The following RSU1 variants were observed in gnomAD, a reference collection of about 807,000 sequenced individuals.
RSU1 encodes the protein Ras suppressor protein 1, also known as rsu-1.
A neutral mutation model predicts 31.1 loss-of-function variants in RSU1; 26 were observed. That is an observed-to-expected ratio of 0.84 (90% confidence interval 0.61 to 1.16). RSU1 has a LOEUF of 1.16. RSU1 is among the 50% of genes most tolerant of loss of function. The pLI is 0.00. For synonymous variants in RSU1, 164 were observed against 136.3 expected, an observed-to-expected ratio of 1.20 and a Z score of -1.41; for missense variants, 320 against 339.1, an observed-to-expected ratio of 0.94 and a Z score of 0.44.
At chr10:16,630,039 T>C (rs1366824827) in intron 8 of RSU1, among the ~76,000 whole-genome samples, 1 of 152,190 alleles carries the variant, frequency 6.6e-6, no homozygotes, top group Non-Finnish European at 1.5e-5. Context: ...TATTTATGGA[T>C]GCTCTTTGTT....
chr10:16,792,135 G>A (rs953420955), intron 2 of RSU1, among the ~76,000 whole-genome samples: 2 of 152,156 alleles, frequency 1.3e-5, no homozygotes, highest in Non-Finnish European at 2.9e-5. Context: ...GTTCTGTAAC[G>A]TTGGTCATAA....
chr10:16,816,542 A>C (rs1426242428), intron 2 of RSU1, among the ~76,000 whole-genome samples: 1 of 152,222 alleles, frequency 6.6e-6, no homozygotes, highest in Non-Finnish European at 1.5e-5. Flanking sequence ...GAATGTAAAG[A>C]TTCAAGAAAT....
At chr10:16,758,342 T>TC (rs1837138284) in intron 4 of RSU1, among the ~76,000 whole-genome samples, 2 of 151,960 alleles carry the variant, frequency 1.3e-5, no homozygotes, top group African/African-American at 2.4e-5. Flanking sequence ...ATGCTGGCTG[T>TC]CCCCCCTCCC....
rs143143529 is a variant in RSU1 at position 16,720,783 on chromosome 10, C to T, written c.599-25628G>A. Among the ~76,000 whole-genome samples, 647 of 152,264 alleles carry T rather than the reference C, an allele frequency of 4.2e-3. 3 individuals carry two copies. Among genetic ancestry groups the T allele is most frequent in the South Asian group, 0.014 (66 of 4,828 alleles). ...CCACTGGATTCATCTGTTAGGGCTG[C>T]CATGACAGCCTGGGCACCATGGCGA... On this transcript the variant is annotated intron_variant, in intron 7 of 8. Coordinates refer to ENST00000345264, the MANE Select transcript of RSU1 (RefSeq NM_012425.4).
At chr10:16,738,382 C>T (rs765765523) in intron 7 of RSU1, among the ~76,000 whole-genome samples, 5 of 151,970 alleles carry the variant, frequency 3.3e-5, no homozygotes, top group Admixed American at 3.3e-4. Flanking sequence ...ACCCAGGAGG[C>T]GGAGCATGCA....
Position 16,607,404 on chromosome 10 carries a change from G to T in RSU1, c.732-13908C>A, listed in dbSNP as rs184109172. Among the ~76,000 whole-genome samples the T allele has an allele frequency of 5.9e-5, 9 of 152,324 alleles. No individual in the cohort carries two copies. The East Asian group carries it at 1.7e-3, about 29-fold the overall frequency. On this transcript the variant is annotated intron_variant, in intron 8 of 8. Transcript: ENST00000345264. The stretch of plus-strand genomic sequence containing the variant: ...ATGTCAGTGGAAAGCTGGACATCAC[G>T]TTTAATCTAAGTTCAGGCCTATAGG...
intron 8 of RSU1, among the ~76,000 whole-genome samples, chr10:16,665,244 C>G (rs1834966161): frequency 6.6e-6 from 1 of 152,092 alleles, no homozygotes; most frequent in South Asian, 2.1e-4. Flanking sequence ...CACACCTGGT[C>G]ACGTTCTAAG....
At chr10:16,646,682 C>G (rs1045974215) in intron 8 of RSU1, among the ~76,000 whole-genome samples, 1 of 152,228 alleles carries the variant, frequency 6.6e-6, no homozygotes, top group Non-Finnish European at 1.5e-5. Context: ...TCAGTCAATA[C>G]TTCTGAGTAA....
At position 16,607,904 on chromosome 10, in the gene RSU1, C is replaced by T. The variant is rs1382237703; in HGVS notation, c.732-14408G>A. Reference sequence around the variant, plus strand: ...TTTGAGACAGAGTCTTGCTCTGTCACCCAGCTGGAGTGCATTGGAACATTA... The same window carrying T: ...TTTGAGACAGAGTCTTGCTCTGTCATCCAGCTGGAGTGCATTGGAACATTA... On this transcript the variant is annotated intron_variant, in intron 8 of 8. Transcript: ENST00000345264. Among the ~76,000 whole-genome samples, 8 of 152,152 alleles carry T rather than the reference C, an allele frequency of 5.3e-5. No individual in the cohort carries two copies. In the East Asian group the frequency reaches 1.5e-3, roughly 29 times the overall value.
chr10:16,785,513 T>TATATATATATATATACACATATATAC (rs1564357401), intron 2 of RSU1, among the ~76,000 whole-genome samples: 25 of 121,822 alleles, frequency 2.1e-4, no homozygotes, highest in African/African-American at 8.0e-4. Context: ...CATATATACA[T>TATATATATATATATACACATATATAC]ATATATATAT....
intron 2 of RSU1, among the ~76,000 whole-genome samples, chr10:16,806,124 A>T (rs549546989): frequency 6.6e-6 from 1 of 152,228 alleles, no homozygotes; most frequent in African/African-American, 2.4e-5. Flanking sequence ...TTTTAAAACT[A>T]TGTGTAAGTA....
intron 3 of RSU1, among the ~76,000 whole-genome samples, chr10:16,775,336 C>A (rs1588526964): frequency 6.6e-6 from 1 of 152,198 alleles, no homozygotes; most frequent in Admixed American, 6.5e-5. Flanking sequence ...ACTCCCCCGT[C>A]TTATTTTCTC....
In RSU1 at chr10:16,658,610, G is replaced by T. The variant is rs972863961; in HGVS notation, c.731+36413C>A. ...GTGGTGGCAGGCACCTGTAATCCCA[G>T]CTACTCAGGAGGCTGAGGCAAGAGA... On this transcript the variant is annotated intron_variant, in intron 8 of 8. Coordinates refer to ENST00000345264, the MANE Select transcript of RSU1 (RefSeq NM_012425.4). Among the ~76,000 whole-genome samples the T allele has an allele frequency of 3.9e-5, 6 of 152,138 alleles. No individual in the cohort carries two copies. The South Asian group carries it at 8.3e-4, about 21-fold the overall frequency.
intron 7 of RSU1, among the ~76,000 whole-genome samples, chr10:16,700,872 G>A (rs1835777839): frequency 6.6e-6 from 1 of 152,198 alleles, no homozygotes. Flanking sequence ...GCACTGACCT[G>A]GAGGGAGGTC....
At chr10:16,815,691 A>T (rs142170826) in intron 2 of RSU1, among the ~76,000 whole-genome samples, 2 of 152,298 alleles carry the variant, frequency 1.3e-5, no homozygotes, top group Admixed American at 6.5e-5. Flanking sequence ...AAAAGAAAAA[A>T]ATCAGTACAA....
chr10:16,778,017 C>CTTT (rs1455558915), intron 3 of RSU1, among the ~76,000 whole-genome samples: 1 of 124,174 alleles, frequency 8.1e-6, no homozygotes, highest in African/African-American at 4.3e-5. Context: ...AGGTCATATA[C>CTTT]CTTTTTTTTT....
chr10:16,768,646 T>C (rs1837367166), intron 3 of RSU1, among the ~76,000 whole-genome samples: 1 of 152,126 alleles, frequency 6.6e-6, no homozygotes, highest in Non-Finnish European at 1.5e-5. Flanking sequence ...AATCTCAAAG[T>C]TTCTTCTGGA....
chr10:16,695,061 G>A lies in RSU1; in HGVS notation c.693C>T (p.Ser231=), dbSNP rs1400430454. The A allele has an allele frequency of 6.2e-7, 1 of 1,610,864 alleles. No individual in the cohort carries two copies. Residue 231 remains serine, a synonymous_variant, in exon 8 of 9, where the codon TCC becomes TCT. Transcript: ENST00000345264. The part of the protein sequence containing the change: ...PIADQFQLGV[S]HVFEYIRSET... ...CAGAACGGATATACTCAAAAACATG[G>A]GACACGCCAAGCTGGAACTGGTCTG...
At chr10:16,691,449 C>A (rs1835547797) in intron 8 of RSU1, among the ~76,000 whole-genome samples, 2 of 147,180 alleles carry the variant, frequency 1.4e-5, no homozygotes, top group South Asian at 2.2e-4. Context: ...ATATTTTGGG[C>A]TAGTATGTTT....
Sources: gnomAD v4.1 joint callset for allele counts (sites outside exome capture counted in the v4.1 genomes callset) on GRCh38, gnomAD v4.1.1 for gene constraint, MANE v1.5 for transcripts, NCBI Gene and HGNC (gene_info 2026-07-23, HGNC 2026-07-21) for gene names.